Variants in FBXW8 observed in about 807,000 individuals in gnomAD.
FBXW8 encodes F-box/WD repeat-containing protein 8.
Under a neutral mutation model 65.3 loss-of-function variants are expected in FBXW8, and 57 were observed. That is an observed-to-expected ratio of 0.87 (90% CI 0.71 to 1.09). The LOEUF (loss-of-function observed/expected upper bound fraction) is 1.09. Among genes scored for constraint, FBXW8 ranks in the 50% least tolerant of loss-of-function variants. FBXW8 has a pLI of 0.00. For missense variants in FBXW8, 777 were observed against 814.8 expected, an observed-to-expected ratio of 0.95 and a Z score of 0.57; for synonymous variants, 308 against 330.2, an observed-to-expected ratio of 0.93 and a Z score of 0.73.
intron 7 of FBXW8, among the ~76,000 whole-genome samples, chr12:116,991,214 A>T (rs980155225): frequency 6.6e-6 from 1 of 152,204 alleles, no homozygotes; most frequent in African/African-American, 2.4e-5. Flanking sequence ...TTGTGTTGAG[A>T]TGTTTCTCCA....
intron 1 of FBXW8, among the ~76,000 whole-genome samples, chr12:116,914,285 A>G (rs2137280950): frequency 6.6e-6 from 1 of 151,842 alleles, no homozygotes; most frequent in South Asian, 2.1e-4. Flanking sequence ...GCAGGCAAAA[A>G]GCAAACTTTG....
intron 8 of FBXW8, among the ~76,000 whole-genome samples, chr12:117,023,926 C>T (rs569523498): frequency 2.0e-5 from 3 of 152,236 alleles, no homozygotes; most frequent in Non-Finnish European, 2.9e-5. Context: ...CCTTGGCCTG[C>T]GTCTTTCTTG....
chr12:116,969,393 C>T (rs934243092), intron 5 of FBXW8, among the ~76,000 whole-genome samples: 14 of 152,122 alleles, frequency 9.2e-5, no homozygotes, highest in African/African-American at 3.1e-4. Flanking sequence ...GGTGGCGTTA[C>T]CTTTGGTCCC....
chr12:116,945,499 A>G lies in FBXW8; in HGVS notation c.559A>G (p.Lys187Glu). The G allele has an allele frequency of 1.2e-6, 2 of 1,614,154 alleles. No individual in the cohort carries two copies. The highest frequency in any genetic ancestry group is 1.7e-6 in the Non-Finnish European group (2 of 1,180,002). Residue 187 changes from lysine (K) to glutamate (E), a missense_variant, in exon 3 of 11, where the codon AAG (lysine) becomes GAG (glutamate). Coordinates refer to ENST00000652555, the MANE Select transcript of FBXW8 (RefSeq NM_153348.3). ...GCTCATCTTCCAAGAGTGCCGAGCC[A>G]AGGAACACATGTTACGAACCAACTG... is the stretch of plus-strand genomic sequence containing the variant. ...WKLIFQECRA[K>E]EHMLRTNWKN...
At chr12:116,958,494 T>C (rs891908441) in intron 4 of FBXW8, among the ~76,000 whole-genome samples, 2 of 152,184 alleles carry the variant, frequency 1.3e-5, no homozygotes, top group Admixed American at 6.5e-5. Context: ...ATCTTCTGGG[T>C]TTAAGTCAGT....
chr12:117,001,184 TAC>T (rs1953511602), intron 7 of FBXW8, among the ~76,000 whole-genome samples: 1 of 152,260 alleles, frequency 6.6e-6, no homozygotes, highest in Non-Finnish European at 1.5e-5. Flanking sequence ...TCTCTGCCAA[TAC>T]CTCATGCACC....
At position 116,911,348 on chromosome 12, in the gene FBXW8, G is replaced by A; in HGVS notation, c.311G>A (p.Arg104His). The change falls in exon 1 of 11, where the codon CGC (arginine) becomes CAC (histidine). Residue 104 changes from arginine (R) to histidine (H), a missense_variant. Physicochemically the swap from Arg to His is conservative, Grantham distance 29 (BLOSUM62 0). Coordinates refer to ENST00000652555, the MANE Select transcript of FBXW8 (RefSeq NM_153348.3). ...GAGCAGCTGGTGGACCAGCTCATCC[G>A]CGACCTGGTGAGTGGCCGTCGCCTC... ...GGEQLVDQLI[R>H]DLNEMNDVPF... The A allele has an allele frequency of 1.6e-6, 2 of 1,278,922 alleles. No homozygotes were observed. The highest frequency in any genetic ancestry group is 9.8e-7 in the Non-Finnish European group (1 of 1,017,218). 79.2% of individuals were successfully genotyped at this position (1,278,922 alleles called of 1,614,324 possible).
intron 7 of FBXW8, among the ~76,000 whole-genome samples, chr12:117,006,200 TA>T (rs1411379453): frequency 6.6e-6 from 1 of 152,156 alleles, no homozygotes; most frequent in Non-Finnish European, 1.5e-5. Context: ...TTGGTAAAAT[TA>T]AAACACAGAG....
At chr12:117,025,159 G>A (rs1345539289) in intron 9 of FBXW8, among the ~76,000 whole-genome samples, 1 of 152,166 alleles carries the variant, frequency 6.6e-6, no homozygotes, top group Admixed American at 6.5e-5. Context: ...AAAGGCAGCC[G>A]GCCCTCTCGC....
chr12:117,019,524 G>A (rs1341276683), intron 8 of FBXW8, among the ~76,000 whole-genome samples: 2 of 152,186 alleles, frequency 1.3e-5, no homozygotes, highest in Non-Finnish European at 2.9e-5. Flanking sequence ...TGGCCTAGCA[G>A]GAAGAAGAAA....
intron 1 of FBXW8, among the ~76,000 whole-genome samples, chr12:116,925,290 A>G (rs561351737): frequency 6.6e-6 from 1 of 152,134 alleles, no homozygotes; most frequent in Non-Finnish European, 1.5e-5. Context: ...GGCCAAAGGC[A>G]TTGCCTAGGA....
At chr12:116,995,653 C>A (rs896219623) in intron 7 of FBXW8, among the ~76,000 whole-genome samples, 6 of 152,106 alleles carry the variant, frequency 3.9e-5, no homozygotes, top group African/African-American at 1.4e-4. Context: ...AAAATGAATT[C>A]TTAAATTAAA....
chr12:116,947,750 A>AAG (rs1883025245), intron 3 of FBXW8, among the ~76,000 whole-genome samples: 5 of 137,712 alleles, frequency 3.6e-5, no homozygotes, highest in Admixed American at 7.7e-5. Flanking sequence ...AAAAAAAAAA[A>AAG]AAAAGAAAAG....
intron 2 of FBXW8, among the ~76,000 whole-genome samples, chr12:116,932,438 G>T (rs1205171795): frequency 6.6e-6 from 1 of 152,122 alleles, no homozygotes; most frequent in Non-Finnish European, 1.5e-5. Flanking sequence ...GTTTGAGAGT[G>T]GTGAAAACTG....
At chr12:117,016,904 C>G (rs1364845616) in intron 8 of FBXW8, among the ~76,000 whole-genome samples, 2 of 152,192 alleles carry the variant, frequency 1.3e-5, no homozygotes, top group Non-Finnish European at 2.9e-5. Flanking sequence ...CTCCCCCATT[C>G]AATTGTCTTG....
intron 4 of FBXW8, chr12:116,951,030 A>T (rs912591121): frequency 2.0e-5 from 3 of 152,236 alleles, no homozygotes; most frequent in Non-Finnish European, 4.4e-5. Flanking sequence ...AAAGCCAATT[A>T]TGAATTTCTT....
chr12:116,945,917 G>A (rs141996080), intron 3 of FBXW8, among the ~76,000 whole-genome samples: 2 of 152,322 alleles, frequency 1.3e-5, no homozygotes, highest in Non-Finnish European at 2.9e-5. Flanking sequence ...GTCATTTCTA[G>A]TAAATGTAAG....
At chr12:116,959,018 A>G (rs978776752) in intron 4 of FBXW8, among the ~76,000 whole-genome samples, 14 of 152,198 alleles carry the variant, frequency 9.2e-5, no homozygotes, top group African/African-American at 3.4e-4. Flanking sequence ...TGATCAGAAC[A>G]GAACTGTGAC....
intron 8 of FBXW8, among the ~76,000 whole-genome samples, chr12:117,016,519 T>A (rs1468419241): frequency 2.6e-5 from 4 of 152,174 alleles, no homozygotes; most frequent in African/African-American, 9.7e-5. Context: ...CAGGTACAAA[T>A]CTCTCATCAG....
Sources: gnomAD v4.1 joint callset for allele counts (sites outside exome capture counted in the v4.1 genomes callset) on GRCh38, gnomAD v4.1.1 for gene constraint, MANE v1.5 for transcripts, NCBI Gene and HGNC (gene_info 2026-07-23, HGNC 2026-07-21) for gene names.